The following CFAP57 variants were observed in gnomAD, a reference collection of about 807,000 sequenced individuals.
CFAP57 encodes the protein cilia and flagella associated protein 57.
CFAP57 carries 116 observed loss-of-function variants against 146.8 expected under a neutral mutation model. The observed-to-expected ratio is 0.79, with a 90% confidence interval of 0.68 to 0.92. The LOEUF is 0.92. CFAP57 is among the 40% of genes least tolerant of loss of function. The probability of loss-of-function intolerance (pLI) is 0.00; values close to 1 mark genes in which losing one functional copy is unlikely to be tolerated. For missense variants in CFAP57, 1,377 were observed against 1,527.2 expected, an observed-to-expected ratio of 0.90 and a Z score of 1.64; for synonymous variants, 518 against 552.8, an observed-to-expected ratio of 0.94 and a Z score of 0.88.
intron 18 of CFAP57, chr1:43,232,200 A>G (rs2124609794): frequency 1.6e-6 from 1 of 626,364 alleles, no homozygotes; most frequent in Non-Finnish European, 2.9e-6. Flanking sequence ...GGTGTCACCA[A>G]TTTATAAGGA....
At chr1:43,181,897 C>A in intron 3 of CFAP57, 47 bp downstream of exon 3, 1 of 1,594,212 alleles carries the variant, frequency 6.3e-7, no homozygotes, top group Non-Finnish European at 8.6e-7. Context: ...AAAAATAGAA[C>A]TACTTTTTAT....
At chr1:43,180,556 C>T (rs944745315) in intron 2 of CFAP57, among the ~76,000 whole-genome samples, 1 of 151,968 alleles carries the variant, frequency 6.6e-6, no homozygotes, top group Non-Finnish European at 1.5e-5. Flanking sequence ...CTTCACAACA[C>T]GCCAAGGAGA....
Position 43,236,676 on chromosome 1 carries a change from G to A in CFAP57, c.3405+2038G>A, listed in dbSNP as rs555593221. On this transcript the variant is annotated intron_variant, in intron 21 of 22. Coordinates refer to ENST00000372492, the MANE Select transcript of CFAP57 (RefSeq NM_001378189.1). ...TGTAATCCCAGCACTTTGGGAGGCC[G>A]AGGCGGGTGGATCGTGAGGTCAGGA... 3.8e-3 allele frequency among the ~76,000 whole-genome samples: 571 copies of A among 150,004 alleles called. 4 individuals carry two copies. The highest frequency in any genetic ancestry group is 0.013 in the African/African-American group (545 of 40,720).
At chr1:43,240,510 T>C (rs889940985) in intron 21 of CFAP57, among the ~76,000 whole-genome samples, 3 of 152,118 alleles carry the variant, frequency 2.0e-5, no homozygotes, top group Non-Finnish European at 2.9e-5. Flanking sequence ...CCCATCACAC[T>C]ACAATCAGCA....
At chr1:43,249,421 CTTTTTTTTTT>C (rs60189164) in intron 22 of CFAP57, among the ~76,000 whole-genome samples, 5 of 67,902 alleles carry the variant, frequency 7.4e-5, no homozygotes, top group Middle Eastern at 8.5e-3. Context: ...TTAACCATTT[CTTTTTTTTTT>C]TTTTTTTTTT....
intron 18 of CFAP57, among the ~76,000 whole-genome samples, chr1:43,231,564 A>C (rs1175765413): frequency 6.6e-6 from 1 of 152,106 alleles, no homozygotes; most frequent in East Asian, 1.9e-4. Flanking sequence ...TTTTTAAAAA[A>C]TCTTTCAGCC....
chr1:43,210,447 A>G (rs571893472), intron 11 of CFAP57: 13 of 1,113,502 alleles, frequency 1.2e-5, no homozygotes, highest in Non-Finnish European at 1.3e-5. Flanking sequence ...AGACGAATGC[A>G]TAAGCAAAAG....
At chr1:43,236,913 C>CAA (rs5773804) in intron 21 of CFAP57, among the ~76,000 whole-genome samples, 160 of 146,122 alleles carry the variant, frequency 1.1e-3, no homozygotes, top group South Asian at 1.7e-3. Context: ...CATCCCCCCC[C>CAA]AAAAAAAAAA....
intron 21 of CFAP57, among the ~76,000 whole-genome samples, chr1:43,236,905 TCC>T (rs1553187244): frequency 8.4e-6 from 1 of 119,004 alleles, no homozygotes; most frequent in Non-Finnish European, 1.8e-5. Flanking sequence ...CGAGACTCCA[TCC>T]CCCCCCAAAA....
chr1:43,217,779 G>C (rs540118073), intron 12 of CFAP57, among the ~76,000 whole-genome samples: 2 of 152,134 alleles, frequency 1.3e-5, no homozygotes, highest in Admixed American at 1.3e-4. Context: ...TCCGTGCTGC[G>C]TACCGCCATT....
chr1:43,183,881 AT>A lies in CFAP57; in HGVS notation c.761+5del, dbSNP rs1645525321. On this transcript the variant is annotated splice_donor_5th_base_variant and intron_variant, in intron 4 of 22. Transcript: ENST00000372492. Reference sequence around the variant, plus strand: ...ATGTCATTCAGGAATCAGAGAGGTAATGGTGCTTCCTGGGCTGGTGCTCCCA... The same window carrying A: ...ATGTCATTCAGGAATCAGAGAGGTAAGGTGCTTCCTGGGCTGGTGCTCCCA... 1 of 1,613,604 alleles carries A rather than the reference AT, an allele frequency of 6.2e-7. No individual in the cohort carries two copies. Among genetic ancestry groups the A allele is most frequent in the African/African-American group, 1.3e-5 (1 of 74,914 alleles).
Position 43,232,171 on chromosome 1 carries a change from G to A in CFAP57, c.3010-337G>A, listed in dbSNP as rs1416954358. 4 of 679,942 alleles carry A rather than the reference G, an allele frequency of 5.9e-6. No homozygotes were observed. In the Admixed American group the frequency reaches 6.4e-5, roughly 11 times the overall value. The allele number at this position is 679,942 out of a possible 1,614,324, so 42.1% of individuals were successfully genotyped here. A position where few individuals can be genotyped will look rare whatever the true frequency, so the allele number is the denominator to read the frequency against. On this transcript the variant is annotated intron_variant, in intron 18 of 22. Coordinates refer to ENST00000372492, the MANE Select transcript of CFAP57 (RefSeq NM_001378189.1). ...CTGGGGAACCCTGCCTCAGGTGAGA[G>A]TTGAGGTTCTAGTGCTTGGGTGTCA...
At chr1:43,222,798 C>A in intron 15 of CFAP57, 26 bp from the exon 16 acceptor site, 1 of 1,515,250 alleles carries the variant, frequency 6.6e-7, no homozygotes, top group South Asian at 1.3e-5. Flanking sequence ...TCTCCCCTGA[C>A]CACACGCCCA....
chr1:43,247,918 G>A (rs187155828), intron 22 of CFAP57, among the ~76,000 whole-genome samples: 1 of 152,212 alleles, frequency 6.6e-6, no homozygotes, highest in East Asian at 1.9e-4. Flanking sequence ...GAGGTCAGGA[G>A]ATCGAGACCA....
intron 16 of CFAP57, among the ~76,000 whole-genome samples, chr1:43,223,373 G>C (rs1181598103): frequency 6.6e-6 from 1 of 152,202 alleles, no homozygotes; most frequent in African/African-American, 2.4e-5. Flanking sequence ...ATGAAGTCTT[G>C]GCCGGGAGGC....
At chr1:43,208,620 A>G (rs1371046482) in intron 10 of CFAP57, among the ~76,000 whole-genome samples, 3 of 152,168 alleles carry the variant, frequency 2.0e-5, no homozygotes, top group Non-Finnish European at 4.4e-5. Context: ...CAGGGTGGGG[A>G]ACACCACACA....
chr1:43,215,237 G>T lies in CFAP57; in HGVS notation c.1930-18G>T. 1.3e-6 allele frequency: 2 copies of T among 1,550,906 alleles called. No homozygotes were observed. The highest frequency in any genetic ancestry group is 1.7e-6 in the Non-Finnish European group (2 of 1,146,952). ...GTGGCCTTGAAAGCTTCCTGGCCAT[G>T]ACCCTTTTTCTCTTCAGATGTTGCT... On this transcript the variant is annotated intron_variant, in intron 11 of 22. Coordinates refer to ENST00000372492, the MANE Select transcript of CFAP57 (RefSeq NM_001378189.1).
rs930760317 is a variant in CFAP57, at chr1:43,186,570, C to T, written c.970-137C>T. ...AGCTTGCAGTGAGCTGAGATAGTGC[C>T]ACTGCACTCTGGCCTGGGCAAAAGA... On this transcript the variant is annotated intron_variant, in intron 5 of 22. Transcript: ENST00000372492. 29 of 863,252 alleles carry T rather than the reference C, an allele frequency of 3.4e-5. No homozygotes were observed. The African/African-American group carries it at 4.9e-4, about 15-fold the overall frequency. The allele number at this position is 863,252 out of a possible 1,614,324, so 53.5% of individuals were successfully genotyped here. A position where few individuals can be genotyped will look rare whatever the true frequency, so the allele number is the denominator to read the frequency against.
At chr1:43,243,458 C>CGAG in intron 22 of CFAP57, 99 bp downstream of exon 22, 1 of 1,297,604 alleles carries the variant, frequency 7.7e-7, no homozygotes, top group South Asian at 1.8e-5. Context: ...TATCAGGTCC[C>CGAG]ATCTACACAT....
Sources: gnomAD v4.1 joint callset for allele counts (sites outside exome capture counted in the v4.1 genomes callset) on GRCh38, gnomAD v4.1.1 for gene constraint, MANE v1.5 for transcripts, NCBI Gene and HGNC (gene_info 2026-07-23, HGNC 2026-07-21) for gene names.